The following MEAK7 variants were observed in gnomAD, a reference collection of about 807,000 sequenced individuals.
MEAK7 encodes the protein MTOR associated protein MEAK7, also known as MTOR-associated protein MEAK7.
Under a neutral mutation model 40.5 loss-of-function variants are expected in MEAK7, and 68 were observed. That is an observed-to-expected ratio of 1.68 (90% CI 1.38 to 2.06). MEAK7 has a LOEUF of 2.06. MEAK7 is among the 30% of genes most tolerant of loss of function. The pLI is 0.00. For missense variants in MEAK7, 918 were observed against 580.5 expected (o/e 1.58, Z -5.98); for synonymous variants, 338 against 231.9 (o/e 1.46, Z -4.16).
chr16:84,503,923 C>T (rs1914691626), intron 1 of MEAK7: 5 of 985,094 alleles, frequency 5.1e-6, no homozygotes, highest in South Asian at 9.4e-5. Flanking sequence ...CCAAGGGCCC[C>T]GCATCCCTAG....
At chr16:84,500,862 G>A (rs973806163) in intron 1 of MEAK7, among the ~76,000 whole-genome samples, 7 of 152,036 alleles carry the variant, frequency 4.6e-5, no homozygotes, top group South Asian at 2.1e-4. Flanking sequence ...TGCAAGGTGG[G>A]CCACACCATC....
chr16:84,477,129 A>C lies in MEAK7; in HGVS notation c.*2784T>G, dbSNP rs1222118181. The C allele has an allele frequency of 6.6e-6, 1 of 152,232 alleles. No individual in the cohort carries two copies. Among genetic ancestry groups the C allele is most frequent in the African/African-American group, 2.4e-5 (1 of 41,382 alleles). 9.4% of individuals were successfully genotyped at this position (152,232 alleles called of 1,614,324 possible). On this transcript the variant is annotated 3_prime_UTR_variant, in exon 8 of 8. Coordinates refer to ENST00000343629, the MANE Select transcript of MEAK7 (RefSeq NM_020947.4). ...AGGCTGGTCTTGAACTCCTGGGCTC[A>C]AGCAATCGGCCTGCCTCAAGCTCCC...
rs1027868704 is a variant in MEAK7 at position 84,476,498 on chromosome 16, A to G, written c.*3415T>C. ...AAAGGCATATACCTCTCAATCCAACAATTCCAATTCTAAGAGTTTATCCCA... is the reference window on the plus strand; with the variant it reads ...AAAGGCATATACCTCTCAATCCAACGATTCCAATTCTAAGAGTTTATCCCA... On this transcript the variant is annotated 3_prime_UTR_variant, in exon 8 of 8. Transcript: ENST00000343629. 1 of 152,148 alleles carries G rather than the reference A, an allele frequency of 6.6e-6. No homozygotes were observed. Among genetic ancestry groups the G allele is most frequent in the African/African-American group, 2.4e-5 (1 of 41,418 alleles). 9.4% of individuals were successfully genotyped at this position (152,148 alleles called of 1,614,324 possible). A position where few individuals can be genotyped will look rare whatever the true frequency, so the allele number is the denominator to read the frequency against.
Position 84,483,840 on chromosome 16 carries a change from G to A in MEAK7, c.959-1130C>T, listed in dbSNP as rs148354573. On this transcript the variant is annotated intron_variant, in intron 5 of 7. Transcript: ENST00000343629. ...CCCATGAGGACAAGGTGTGGGACAG[G>A]TACGGAACAGTGGGGCTTGAGAGCA... Among the ~76,000 whole-genome samples, 9 of 152,312 alleles carry A rather than the reference G, an allele frequency of 5.9e-5. No individual in the cohort carries two copies. The East Asian group carries it at 1.7e-3, about 29-fold the overall frequency.
chr16:84,488,236 G>C (rs1282763022), intron 4 of MEAK7: 2 of 152,084 alleles, frequency 1.3e-5, no homozygotes, highest in African/African-American at 4.8e-5. Flanking sequence ...CTAGATGGAT[G>C]AACAGTTTAC....
intron 2 of MEAK7, 131 bp downstream of exon 2, chr16:84,497,803 T>A: frequency 7.0e-7 from 1 of 1,419,928 alleles, no homozygotes. Context: ...TCTGGCCCTT[T>A]ACAGAAAACC....
At chr16:84,484,801 G>A (rs547562636) in intron 5 of MEAK7, among the ~76,000 whole-genome samples, 5 of 152,342 alleles carry the variant, frequency 3.3e-5, no homozygotes, top group South Asian at 4.1e-4. Flanking sequence ...TGTACCATGC[G>A]TGGTGTGAGG....
chr16:84,493,173 T>A (rs1212612545), intron 3 of MEAK7, among the ~76,000 whole-genome samples: 1 of 152,222 alleles, frequency 6.6e-6, no homozygotes, highest in Non-Finnish European at 1.5e-5. Context: ...CAGTAGTAAT[T>A]ACTATTATGT....
At chr16:84,480,919 T>C (rs1389427120) in intron 6 of MEAK7, among the ~76,000 whole-genome samples, 1 of 152,242 alleles carries the variant, frequency 6.6e-6, no homozygotes, top group Admixed American at 6.5e-5. Context: ...CAGTCATCTA[T>C]GTCTCCAGAC....
intron 6 of MEAK7, among the ~76,000 whole-genome samples, chr16:84,482,325 AG>A (rs1211323654): frequency 3.3e-5 from 5 of 152,222 alleles, no homozygotes; most frequent in African/African-American, 7.2e-5. Context: ...CAATCATCTG[AG>A]GGCCAGAAAA....
At position 84,482,635 on chromosome 16, in the gene MEAK7, T is replaced by A; in HGVS notation, c.1034A>T (p.Tyr345Phe). ...CTGCTGTCCATGGTTCAAGTACATG[T>A]AGTGGTCGTTGTAGCCCGTGTGTGT... ...VYTHTGYNDH[Y>F]MYLNHGQQTI... The change falls in exon 6 of 8, where the codon TAC (tyrosine) becomes TTC (phenylalanine). Residue 345 changes from tyrosine to phenylalanine, a missense_variant. Transcript: ENST00000343629. 6.2e-7 allele frequency: 1 copy of A among 1,614,198 alleles called. No homozygotes were observed. Among genetic ancestry groups the A allele is most frequent in the Non-Finnish European group, 8.5e-7 (1 of 1,180,036 alleles).
At position 84,489,379 on chromosome 16, in the gene MEAK7, T is replaced by G; in HGVS notation, c.428A>C (p.His143Pro). Residue 143 changes from histidine to proline, a missense_variant, in exon 4 of 8, where the codon CAC becomes CCC. Transcript: ENST00000343629. ...LVGSVVHVLS[H>P]RQELRGWTGK... ...AGTCCAGCCTCTCAGCTCCTGTCTGTGGCTTAGCACGTGCACCACAGAGCC... is the reference window on the plus strand; with the variant it reads ...AGTCCAGCCTCTCAGCTCCTGTCTGGGGCTTAGCACGTGCACCACAGAGCC... 6.2e-7 allele frequency: 1 copy of G among 1,614,110 alleles called. No homozygotes were observed. Among genetic ancestry groups the G allele is most frequent in the Non-Finnish European group, 8.5e-7 (1 of 1,179,984 alleles).
intron 1 of MEAK7, among the ~76,000 whole-genome samples, chr16:84,499,740 T>TA (rs1371376343): frequency 6.6e-6 from 1 of 152,168 alleles, no homozygotes; most frequent in African/African-American, 2.4e-5. Flanking sequence ...GCATTTCATA[T>TA]AAATGCAATT....
Position 84,490,939 on chromosome 16 carries a change from C to G in MEAK7, c.385-1517G>C, listed in dbSNP as rs73249746. Reference sequence around the variant, plus strand: ...GAGAAATTTGTTTCTTTACAGAACCCCAAAGTTATAAACAGACCAGTTCCT... The same window carrying G: ...GAGAAATTTGTTTCTTTACAGAACCGCAAAGTTATAAACAGACCAGTTCCT... On this transcript the variant is annotated intron_variant, in intron 3 of 7. Coordinates refer to ENST00000343629, the MANE Select transcript of MEAK7 (RefSeq NM_020947.4). Among the ~76,000 whole-genome samples, 1,262 of 151,064 alleles carry G rather than the reference C, an allele frequency of 8.4e-3. 20 individuals are homozygous for G. The highest frequency in any genetic ancestry group is 0.028 in the African/African-American group (1,152 of 41,174).
chr16:84,490,377 G>C (rs1913466370), intron 3 of MEAK7, among the ~76,000 whole-genome samples: 2 of 148,830 alleles, frequency 1.3e-5, no homozygotes, highest in Admixed American at 6.7e-5. Flanking sequence ...TTACTAGCCA[G>C]GCCCAAACTA....
chr16:84,485,704 A>G (rs1204191336), intron 5 of MEAK7, among the ~76,000 whole-genome samples: 1 of 152,214 alleles, frequency 6.6e-6, no homozygotes, highest in Non-Finnish European at 1.5e-5. Flanking sequence ...CTATCTAGAG[A>G]TGGAGTCTCG....
chr16:84,490,443 CTTTTTTTTTTTTTTTTTTTTTTTT>C (rs770073812), intron 3 of MEAK7, among the ~76,000 whole-genome samples: 2 of 93,892 alleles, frequency 2.1e-5, no homozygotes. Context: ...TCTGCCCCGC[CTTTTTTTTTTTTTTTTTTTTTTTT>C]TTTTTTTTTT....
In MEAK7 at chr16:84,499,158, C is replaced by T. The variant is rs923023915; in HGVS notation, c.-25-1047G>A. Among the ~76,000 whole-genome samples the T allele has an allele frequency of 3.3e-5, 5 of 152,300 alleles. No individual in the cohort carries two copies. In the South Asian group the frequency reaches 1.0e-3, roughly 32 times the overall value. ...GGTGACCTGGGGCCTTGTTCACTGT[C>T]ACAAACCTCATTATAGGAAAAGACA... On this transcript the variant is annotated intron_variant, in intron 1 of 7. Transcript: ENST00000343629.
At chr16:84,497,521 G>T (rs950999440) in intron 2 of MEAK7, 2 of 1,290,312 alleles carry the variant, frequency 1.6e-6, no homozygotes, top group East Asian at 5.5e-5. Flanking sequence ...CTCTGGGAGG[G>T]CAGTCAGGAG....
Sources: gnomAD v4.1 joint callset for allele counts (sites outside exome capture counted in the v4.1 genomes callset) on GRCh38, gnomAD v4.1.1 for gene constraint, MANE v1.5 for transcripts, NCBI Gene and HGNC (gene_info 2026-07-23, HGNC 2026-07-21) for gene names.